The following SNTG2 variants were observed in gnomAD, a reference collection of about 807,000 sequenced individuals.
SNTG2 encodes the protein syntrophin gamma 2.
Under a neutral mutation model 70.9 loss-of-function variants are expected in SNTG2, and 74 were observed. That is an observed-to-expected ratio of 1.04 (90% CI 0.86 to 1.27). The LOEUF is 1.27. SNTG2 is among the 50% of genes most tolerant of loss of function. SNTG2 has a pLI of 0.00. For synonymous variants in SNTG2, 278 were observed against 273.8 expected (o/e 1.02, Z -0.15); for missense variants, 717 against 690.7 (o/e 1.04, Z -0.43).
chr2:1,131,572 A>G (rs995692243), intron 4 of SNTG2, among the ~76,000 whole-genome samples: 1 of 152,192 alleles, frequency 6.6e-6, no homozygotes. Flanking sequence ...GAGAAAATGC[A>G]GAAACTCTCC....
At chr2:1,262,284 C>T (rs1678453975) in intron 13 of SNTG2, among the ~76,000 whole-genome samples, 1 of 152,092 alleles carries the variant, frequency 6.6e-6, no homozygotes, top group South Asian at 2.1e-4. Context: ...CAGAGAGCTT[C>T]CCCCATCTTC....
intron 4 of SNTG2, among the ~76,000 whole-genome samples, chr2:1,121,580 C>T (rs534395876): frequency 9.9e-5 from 15 of 152,110 alleles, no homozygotes; most frequent in African/African-American, 2.7e-4. Flanking sequence ...CTCACAGTTC[C>T]GCATGGCTGG....
chr2:1,356,955 T>A (rs1371208017), intron 16 of SNTG2, among the ~76,000 whole-genome samples: 1 of 152,012 alleles, frequency 6.6e-6, no homozygotes, highest in Non-Finnish European at 1.5e-5. Flanking sequence ...TTTCTTAATG[T>A]CTATTTTGGA....
intron 1 of SNTG2, among the ~76,000 whole-genome samples, chr2:1,019,492 G>A (rs985222980): frequency 2.0e-5 from 3 of 152,166 alleles, no homozygotes; most frequent in Admixed American, 1.3e-4. Flanking sequence ...GAGTGACCAG[G>A]TGTGGTATCC....
intron 16 of SNTG2, among the ~76,000 whole-genome samples, chr2:1,364,996 A>G (rs1661401678): frequency 6.6e-6 from 1 of 152,190 alleles, no homozygotes; most frequent in South Asian, 2.1e-4. Flanking sequence ...TTTAAAGCTC[A>G]GTAATTGCTA....
intron 9 of SNTG2, among the ~76,000 whole-genome samples, chr2:1,213,161 G>C (rs1674157333): frequency 6.6e-6 from 1 of 152,110 alleles, no homozygotes. Flanking sequence ...TTTGCATTAT[G>C]GAATAATTAA....
intron 1 of SNTG2, among the ~76,000 whole-genome samples, chr2:981,618 C>T (rs62636867): frequency 0.077 from 11,640 of 151,746 alleles, 668 homozygotes; most frequent in South Asian, 0.21. Flanking sequence ...TGCACATATG[C>T]ATATACACAC....
At chr2:1,088,011 A>T (rs1664790593) in intron 2 of SNTG2, among the ~76,000 whole-genome samples, 1 of 152,146 alleles carries the variant, frequency 6.6e-6, no homozygotes, top group African/African-American at 2.4e-5. Flanking sequence ...TTTCACACCC[A>T]AGTTGCTTCT....
intron 16 of SNTG2, among the ~76,000 whole-genome samples, chr2:1,317,220 T>G (rs112996812): frequency 1.2e-5 from 1 of 82,344 alleles, no homozygotes; most frequent in Non-Finnish European, 2.5e-5. Flanking sequence ...TCTGGAACAT[T>G]TAGCGTCCGG....
intron 8 of SNTG2, among the ~76,000 whole-genome samples, chr2:1,175,562 T>C (rs1037009137): frequency 1.3e-5 from 2 of 152,224 alleles, no homozygotes; most frequent in Non-Finnish European, 2.9e-5. Context: ...CATATTTATT[T>C]GTGCTATCTT....
intron 1 of SNTG2, among the ~76,000 whole-genome samples, chr2:1,039,680 A>G (rs1364869237): frequency 6.6e-6 from 1 of 152,210 alleles, no homozygotes; most frequent in Non-Finnish European, 1.5e-5. Context: ...TTTAAAGCCA[A>G]GTCATAAAAG....
At chr2:1,133,249 C>T (rs937147589) in intron 4 of SNTG2, among the ~76,000 whole-genome samples, 1 of 152,152 alleles carries the variant, frequency 6.6e-6, no homozygotes, top group African/African-American at 2.4e-5. Flanking sequence ...CAAATATTAT[C>T]ATTATATAAC....
intron 4 of SNTG2, among the ~76,000 whole-genome samples, chr2:1,105,846 GCAC>G (rs1248655440): frequency 6.6e-6 from 1 of 152,156 alleles, no homozygotes; most frequent in African/African-American, 2.4e-5. Context: ...GCACAGGATG[GCAC>G]CCCAAGTCTC....
At chr2:1,018,398 G>C (rs1356829282) in intron 1 of SNTG2, among the ~76,000 whole-genome samples, 1 of 152,118 alleles carries the variant, frequency 6.6e-6, no homozygotes, top group East Asian at 1.9e-4. Context: ...TTGAAATTTG[G>C]TGCCCACTCC....
chr2:1,137,427 C>T (rs1053140927), intron 4 of SNTG2, among the ~76,000 whole-genome samples, 195 bp from the exon 5 acceptor site: 3 of 151,934 alleles, frequency 2.0e-5, no homozygotes, highest in East Asian at 3.9e-4. Context: ...CACACCCACA[C>T]ATGCACACAC....
chr2:1,064,689 A>G (rs1663041432), intron 1 of SNTG2, among the ~76,000 whole-genome samples: 1 of 152,178 alleles, frequency 6.6e-6, no homozygotes, highest in Non-Finnish European at 1.5e-5. Flanking sequence ...TGTTTTAGAA[A>G]AAACATTAAA....
At chr2:1,307,430 G>T (rs1010659154) in intron 14 of SNTG2, among the ~76,000 whole-genome samples, 2 of 141,718 alleles carry the variant, frequency 1.4e-5, no homozygotes, top group African/African-American at 5.5e-5. Context: ...TGTGTGAGCC[G>T]TGTACTGTGT....
intron 9 of SNTG2, among the ~76,000 whole-genome samples, chr2:1,210,905 G>T (rs1046517774): frequency 6.6e-6 from 1 of 152,248 alleles, no homozygotes; most frequent in East Asian, 1.9e-4. Flanking sequence ...GTGTGTTGTA[G>T]CCTGTATCAT....
At chr2:1,329,519 A>C (rs1659401797) in intron 16 of SNTG2, among the ~76,000 whole-genome samples, 1 of 152,194 alleles carries the variant, frequency 6.6e-6, no homozygotes, top group Admixed American at 6.5e-5. Context: ...TGTATCTGTC[A>C]GGTAAAATCT....
Sources: gnomAD v4.1 joint callset for allele counts (sites outside exome capture counted in the v4.1 genomes callset) on GRCh38, gnomAD v4.1.1 for gene constraint, MANE v1.5 for transcripts, NCBI Gene and HGNC (gene_info 2026-07-23, HGNC 2026-07-21) for gene names.